Variants in ACSL4 observed in about 807,000 individuals in gnomAD.
ACSL4 encodes the protein acyl-CoA synthetase long chain family member 4.
ACSL4 carries 9 observed loss-of-function variants against 49.1 expected under a neutral mutation model. That is an observed-to-expected ratio of 0.18 (90% confidence interval 0.11 to 0.32). ACSL4 has a LOEUF of 0.32. Ranked by LOEUF, ACSL4 falls within the 10% of genes least tolerant of loss-of-function variation. The pLI is 1.00. For synonymous variants in ACSL4, 191 were observed against 170.3 expected (o/e 1.12, Z -0.95); for missense variants, 333 against 493.7 (o/e 0.67, Z 3.08).
At chrX:109,710,443 T>C (rs1432793103) in intron 1 of ACSL4, among the ~76,000 whole-genome samples, 1 of 112,264 alleles carries the variant, frequency 8.9e-6, no homozygotes, top group East Asian at 2.8e-4. Flanking sequence ...TGTTTTTCAA[T>C]GATATCAAAT....
intron 2 of ACSL4, among the ~76,000 whole-genome samples, chrX:109,689,308 A>G (rs916786623): frequency 1.8e-5 from 2 of 112,046 alleles, no homozygotes; most frequent in African/African-American, 6.5e-5. Context: ...GGGATAGCCA[A>G]TCTAGTCTCC....
chrX:109,649,945 A>G (rs1390364170), intron 15 of ACSL4, among the ~76,000 whole-genome samples: 1 of 108,853 alleles, frequency 9.2e-6, no homozygotes, highest in Non-Finnish European at 1.9e-5. Flanking sequence ...ATCACTGGCC[A>G]TCAGAGAAAT....
intron 1 of ACSL4, among the ~76,000 whole-genome samples, chrX:109,701,174 T>C (rs923174810): frequency 9.0e-6 from 1 of 111,608 alleles, no homozygotes; most frequent in African/African-American, 3.3e-5. Context: ...ATTTGGTGGG[T>C]AACTTTGAAG....
chrX:109,717,812 C>G (rs150092001), intron 1 of ACSL4, among the ~76,000 whole-genome samples: 4 of 110,622 alleles, frequency 3.6e-5, no homozygotes, highest in Non-Finnish European at 5.7e-5. Context: ...TTTTGCTTAT[C>G]TCTGGTGGTA....
chrX:109,644,967 C>T (rs1487585355), intron 15 of ACSL4, among the ~76,000 whole-genome samples: 2 of 113,113 alleles, frequency 1.8e-5, no homozygotes, highest in East Asian at 5.5e-4. Flanking sequence ...TTCCGACAGG[C>T]TTAAAAAACG....
chrX:109,674,522 ATGT>A (rs772548336), intron 8 of ACSL4, 49 bp from the exon 9 acceptor site: 1 of 924,425 alleles, frequency 1.1e-6, no homozygotes, highest in Admixed American at 2.3e-5. Context: ...ACCTTAAAAC[ATGT>A]TGTAATTCAA....
intron 2 of ACSL4, among the ~76,000 whole-genome samples, chrX:109,685,643 T>C (rs1274951254): frequency 1.8e-5 from 2 of 110,738 alleles, no homozygotes; most frequent in African/African-American, 6.6e-5. Flanking sequence ...CCTTTGTTCA[T>C]GTAATTTAGT....
rs552075469 is a variant in ACSL4 at position 109,721,209 on chromosome X, G to A, written c.-66+11930C>T. Among the ~76,000 whole-genome samples the A allele has an allele frequency of 2.7e-5, 3 of 111,758 alleles. No individual in the cohort carries two copies. In the Middle Eastern group the frequency reaches 0.014, roughly 522 times the overall value. ...ACCAAGTTCCTGTCTCCTGACTGAG[G>A]GAGTTTTCAGTTTTCAGTTCATCTG... On this transcript the variant is annotated intron_variant, in intron 1 of 15. Transcript: ENST00000672401.
At chrX:109,661,752 T>C (rs1376635522) in intron 13 of ACSL4, 107 bp from the exon 14 acceptor site, 16 of 568,015 alleles carry the variant, frequency 2.8e-5, no homozygotes, top group Non-Finnish European at 3.0e-6. Context: ...AACTACTTCT[T>C]CTAAAATTAT....
At chrX:109,654,640 C>T (rs1349386584) in intron 15 of ACSL4, among the ~76,000 whole-genome samples, 1 of 111,877 alleles carries the variant, frequency 8.9e-6, no homozygotes, top group African/African-American at 3.3e-5. Context: ...GCTGAGGAAG[C>T]CAAAGCAACT....
chrX:109,660,364 A>T (rs1436272020), intron 14 of ACSL4, among the ~76,000 whole-genome samples: 1 of 111,747 alleles, frequency 8.9e-6, no homozygotes, highest in Non-Finnish European at 1.9e-5. Flanking sequence ...TCATTAGGAA[A>T]ATACAAATCA....
chrX:109,646,375 T>G (rs2147352226), intron 15 of ACSL4, among the ~76,000 whole-genome samples: 1 of 111,447 alleles, frequency 9.0e-6, no homozygotes, highest in Admixed American at 9.5e-5. Context: ...TACAACATTC[T>G]TAAAGAAAAG....
At chrX:109,691,304 TAAAG>T (rs1260231908) in intron 2 of ACSL4, among the ~76,000 whole-genome samples, 6 of 112,149 alleles carry the variant, frequency 5.4e-5, no homozygotes, top group Admixed American at 9.5e-5. Context: ...AAGCACCAAA[TAAAG>T]AGACAATTTG....
At chrX:109,690,080 T>C (rs1924927863) in intron 2 of ACSL4, among the ~76,000 whole-genome samples, 1 of 112,594 alleles carries the variant, frequency 8.9e-6, no homozygotes, top group South Asian at 3.6e-4. Flanking sequence ...TCCCTGGTAA[T>C]TAAAATAAAC....
intron 1 of ACSL4, among the ~76,000 whole-genome samples, chrX:109,718,613 G>A (rs1019881141): frequency 1.2e-4 from 13 of 110,933 alleles, no homozygotes; most frequent in Non-Finnish European, 2.1e-4. Context: ...AAATTAACTG[G>A]GCATGGTGGC....
chrX:109,686,575 A>C (rs901437880), intron 2 of ACSL4, among the ~76,000 whole-genome samples: 3 of 112,264 alleles, frequency 2.7e-5, no homozygotes, highest in Non-Finnish European at 5.6e-5. Context: ...TTCAGGCTTA[A>C]GGCTGAAAAT....
chrX:109,681,414 CATCT>C (rs1569428407), intron 4 of ACSL4, 39 bp from the exon 5 acceptor site: 1 of 942,989 alleles, frequency 1.1e-6, no homozygotes. Flanking sequence ...AAGTAATAAA[CATCT>C]ATTAGAAATG....
chrX:109,647,614 C>G (rs1347545856), intron 15 of ACSL4, among the ~76,000 whole-genome samples: 3 of 111,174 alleles, frequency 2.7e-5, no homozygotes, highest in African/African-American at 9.8e-5. Flanking sequence ...ATTAAAAGAA[C>G]TAGAGAAGCA....
chrX:109,703,417 T>A lies in ACSL4; in HGVS notation c.-65-7221A>T, dbSNP rs756232286. Reference sequence around the variant, plus strand: ...AAATTGGGTAAAGGACCCATGGAAATGGTGTATGATTTTTGCAACTCTATT... The same window carrying A: ...AAATTGGGTAAAGGACCCATGGAAAAGGTGTATGATTTTTGCAACTCTATT... On this transcript the variant is annotated intron_variant, in intron 1 of 15. Transcript: ENST00000672401. 8.0e-5 allele frequency among the ~76,000 whole-genome samples: 9 copies of A among 111,809 alleles called. No individual in the cohort carries two copies. In the South Asian group the frequency reaches 3.4e-3, roughly 42 times the overall value.
Sources: gnomAD v4.1 joint callset for allele counts (sites outside exome capture counted in the v4.1 genomes callset) on GRCh38, gnomAD v4.1.1 for gene constraint, MANE v1.5 for transcripts, NCBI Gene and HGNC (gene_info 2026-07-23, HGNC 2026-07-21) for gene names.